Variants in KDM6A observed in about 807,000 individuals in gnomAD.
The protein encoded by KDM6A is lysine demethylase 6A.
A neutral mutation model predicts 117.6 loss-of-function variants in KDM6A; 11 were observed. The ratio of observed to expected loss-of-function variants is 0.09; its 90% confidence interval spans 0.06 to 0.15. The LOEUF (loss-of-function observed/expected upper bound fraction) is 0.15. Ranked by LOEUF, KDM6A falls within the 10% of genes least tolerant of loss-of-function variation. The pLI, the probability that KDM6A is intolerant of heterozygous loss-of-function variation, is 1.00. For synonymous variants in KDM6A, 384 were observed against 396.1 expected (o/e 0.97, Z 0.36); for missense variants, 799 against 1,077.3 (o/e 0.74, Z 3.62).
At chrX:44,984,478 T>A (rs2040090425) in intron 4 of KDM6A, among the ~76,000 whole-genome samples, 1 of 111,857 alleles carries the variant, frequency 8.9e-6, no homozygotes, top group Admixed American at 9.5e-5. Context: ...AGACATGAAG[T>A]CCTTGCCCAG....
At chrX:44,911,084 G>T (rs1250037467) in intron 2 of KDM6A, among the ~76,000 whole-genome samples, 1 of 92,305 alleles carries the variant, frequency 1.1e-5, no homozygotes, top group African/African-American at 6.2e-5. Context: ...CTGGGCAGAG[G>T]CGCCCCCACC....
intron 2 of KDM6A, among the ~76,000 whole-genome samples, chrX:44,940,149 T>A (rs1242223098): frequency 9.0e-6 from 1 of 110,920 alleles, no homozygotes; most frequent in Non-Finnish European, 1.9e-5. Flanking sequence ...GCTTCCTGGG[T>A]TCAAGCAATT....
At chrX:44,958,444 AG>A (rs1389679187) in intron 2 of KDM6A, among the ~76,000 whole-genome samples, 1 of 110,154 alleles carries the variant, frequency 9.1e-6, no homozygotes, top group Non-Finnish European at 1.9e-5. Context: ...AGCCTCCCAA[AG>A]TGCTGGGATT....
At chrX:45,033,896 A>G (rs1426190343) in intron 6 of KDM6A, among the ~76,000 whole-genome samples, 1 of 111,135 alleles carries the variant, frequency 9.0e-6, no homozygotes, top group Non-Finnish European at 1.9e-5. Flanking sequence ...GCCAGTGTTC[A>G]TACCAAGTGA....
At chrX:45,090,653 AG>A (rs1408441811) in intron 26 of KDM6A, 69 bp from the exon 27 acceptor site, 16 of 1,086,927 alleles carry the variant, frequency 1.5e-5, no homozygotes, top group Admixed American at 7.0e-5. Context: ...TCACCTGAGC[AG>A]GTGATAATGG....
At position 44,997,452 on chromosome X, in the gene KDM6A, C is replaced by T. The variant is rs1262300467; in HGVS notation, c.385-13509C>T. 9.9e-5 allele frequency among the ~76,000 whole-genome samples: 11 copies of T among 111,585 alleles called. No individual in the cohort carries two copies. In the Admixed American group the frequency reaches 1.0e-3, roughly 11 times the overall value. ...CTGCATGCTCCCCTCAACATCCTCT[C>T]GATGTCCAGCCACTTGTCTTCTTCC... On this transcript the variant is annotated intron_variant, in intron 4 of 29. Coordinates refer to ENST00000611820, the MANE Select transcript of KDM6A (RefSeq NM_001291415.2).
intron 2 of KDM6A, among the ~76,000 whole-genome samples, chrX:44,945,151 G>A (rs189346809): frequency 9.0e-6 from 1 of 111,492 alleles, no homozygotes; most frequent in African/African-American, 3.3e-5. Context: ...GGTTGACAGA[G>A]TCGCCTTCCC....
At chrX:44,913,755 T>C (rs1461968404) in intron 2 of KDM6A, among the ~76,000 whole-genome samples, 1 of 110,631 alleles carries the variant, frequency 9.0e-6, no homozygotes, top group Non-Finnish European at 1.9e-5. Flanking sequence ...TATATATATA[T>C]ATATGTATAC....
chrX:44,984,941 C>G (rs752235611), intron 4 of KDM6A, among the ~76,000 whole-genome samples: 1 of 110,719 alleles, frequency 9.0e-6, no homozygotes, highest in African/African-American at 3.3e-5. Context: ...TTTTCCAATT[C>G]TGTGAAGAAA....
chrX:45,001,808 A>C lies in KDM6A; in HGVS notation c.385-9153A>C, dbSNP rs1398614894. Reference sequence around the variant, plus strand: ...GTGCTTTCTTGCCTCGGGTGTGATGAGTCTATCCCCCTTCCGCTGTAGGAA... The same window carrying C: ...GTGCTTTCTTGCCTCGGGTGTGATGCGTCTATCCCCCTTCCGCTGTAGGAA... On this transcript the variant is annotated intron_variant, in intron 4 of 29. Coordinates refer to ENST00000611820, the MANE Select transcript of KDM6A (RefSeq NM_001291415.2). 1.3e-4 allele frequency among the ~76,000 whole-genome samples: 14 copies of C among 110,902 alleles called. No individual in the cohort carries two copies. The Admixed American group carries it at 1.3e-3, about 11-fold the overall frequency.
chrX:45,024,496 T>C lies in KDM6A; in HGVS notation c.564+3766T>C, dbSNP rs772990511. On this transcript the variant is annotated intron_variant, in intron 6 of 29. Transcript: ENST00000611820. The stretch of plus-strand genomic sequence containing the variant: ...CTTTTTGATGGGATTATTTGTTTTT[T>C]TTTCTTGCTGATTTGTTTGAGTTCC... Among the ~76,000 whole-genome samples the C allele has an allele frequency of 2.7e-5, 3 of 111,866 alleles. No homozygotes were observed. In the East Asian group the frequency reaches 8.3e-4, roughly 31 times the overall value.
At chrX:44,877,696 C>G (rs1184603823) in intron 2 of KDM6A, among the ~76,000 whole-genome samples, 1 of 110,049 alleles carries the variant, frequency 9.1e-6, no homozygotes, top group Non-Finnish European at 1.9e-5. Context: ...GGAACTATTG[C>G]TAAAATACAC....
At chrX:45,088,801 A>G (rs949503310) in intron 25 of KDM6A, among the ~76,000 whole-genome samples, 3 of 113,057 alleles carry the variant, frequency 2.7e-5, no homozygotes, top group African/African-American at 9.6e-5. Context: ...ATGGAGAATA[A>G]GAAGCCAGAT....
At chrX:45,045,841 TGTTAGA>T in intron 8 of KDM6A, among the ~76,000 whole-genome samples, 1 of 111,467 alleles carries the variant, frequency 9.0e-6, no homozygotes, top group South Asian at 3.7e-4. Flanking sequence ...GTATATAAGT[TGTTAGA>T]GTTCCTGCTT....
At chrX:44,968,373 C>G (rs887216355) in intron 3 of KDM6A, among the ~76,000 whole-genome samples, 1 of 112,422 alleles carries the variant, frequency 8.9e-6, no homozygotes, top group African/African-American at 3.2e-5. Context: ...ACAGTGTCTA[C>G]TATACCTCCT....
intron 25 of KDM6A, among the ~76,000 whole-genome samples, chrX:45,087,745 AGGTGTC>A (rs2045705736): frequency 9.0e-6 from 1 of 111,463 alleles, no homozygotes; most frequent in East Asian, 2.8e-4. Flanking sequence ...CTAAATGGAG[AGGTGTC>A]TTGGGAAAAA....
intron 4 of KDM6A, among the ~76,000 whole-genome samples, chrX:44,995,135 A>G (rs886796600): frequency 5.4e-5 from 6 of 111,444 alleles, no homozygotes; most frequent in Non-Finnish European, 7.5e-5. Context: ...ACATTTTACT[A>G]AGAAAGAATC....
At chrX:45,079,894 A>G (rs2045323699) in intron 21 of KDM6A, among the ~76,000 whole-genome samples, 1 of 112,407 alleles carries the variant, frequency 8.9e-6, no homozygotes, top group Non-Finnish European at 1.9e-5. Context: ...TTCATGAAGT[A>G]AATAGCATCA....
chrX:45,063,032 G>A (rs183943873), intron 16 of KDM6A, among the ~76,000 whole-genome samples: 4 of 111,080 alleles, frequency 3.6e-5, no homozygotes, highest in Non-Finnish European at 7.6e-5. Flanking sequence ...AGGTTTTTAG[G>A]GCTTATTTAG....
Sources: allele counts gnomAD v4.1 joint callset (sites outside exome capture counted in the v4.1 genomes callset), GRCh38; gene constraint gnomAD v4.1.1; transcripts MANE v1.5; gene names NCBI Gene and HGNC (gene_info 2026-07-23, HGNC 2026-07-21).